The following GARNL3 variants were observed in gnomAD, a reference collection of about 807,000 sequenced individuals.
GARNL3 encodes the protein GTPase-activating Rap/Ran-GAP domain-like protein 3.
In GARNL3, 63 loss-of-function variants were observed where a neutral mutation model predicts 125.0. The observed-to-expected ratio is 0.50, with a 90% confidence interval of 0.41 to 0.62. The LOEUF is 0.62. Among genes scored for constraint, GARNL3 ranks in the 20% least tolerant of loss-of-function variants. GARNL3 has a pLI of 0.00. For synonymous variants in GARNL3, 439 were observed against 457.5 expected, an observed-to-expected ratio of 0.96 and a Z score of 0.52; for missense variants, 994 against 1,244.0, an observed-to-expected ratio of 0.80 and a Z score of 3.02.
At chr9:127,283,396 C>CA (rs1427146826) in intron 1 of GARNL3, among the ~76,000 whole-genome samples, 1 of 152,188 alleles carries the variant, frequency 6.6e-6, no homozygotes, top group African/African-American at 2.4e-5. Flanking sequence ...CTAGGCTGGG[C>CA]ACAGTGGCTC....
chr9:127,339,179 C>T (rs184858084), intron 12 of GARNL3, among the ~76,000 whole-genome samples: 1 of 152,112 alleles, frequency 6.6e-6, no homozygotes, highest in East Asian at 1.9e-4. Flanking sequence ...TGCCTGTAGT[C>T]CCAGCTACTT....
rs571648752 is a variant in GARNL3, at chr9:127,297,159, C to T, written c.219+5917C>T. On this transcript the variant is annotated intron_variant, in intron 2 of 27. Transcript: ENST00000373387. Reference sequence around the variant, plus strand: ...TCTTTTTCTTTTCTTTTTTGAGACACGGTCTCCCTCCCTCTGTCACCTAGG... The same window carrying T: ...TCTTTTTCTTTTCTTTTTTGAGACATGGTCTCCCTCCCTCTGTCACCTAGG... Among the ~76,000 whole-genome samples the T allele has an allele frequency of 6.6e-5, 10 of 152,162 alleles. No homozygotes were observed. The East Asian group carries it at 7.7e-4, about 12-fold the overall frequency.
At chr9:127,263,854 G>A (rs1203128770), upstream of GARNL3, 2 of 1,330,240 alleles carry the variant, frequency 1.5e-6, no homozygotes, top group East Asian at 5.6e-5. Flanking sequence ...TTTCTCTCAT[G>A]CTGTCTTTCT....
At chr9:127,243,762 C>T (rs2063244365) in intron 2 of GARNL3, among the ~76,000 whole-genome samples, 1 of 152,102 alleles carries the variant, frequency 6.6e-6, no homozygotes, top group South Asian at 2.1e-4. Flanking sequence ...AGAATTAATA[C>T]ATCAGTAGAC....
At position 127,344,241 on chromosome 9, in the gene GARNL3, C is replaced by T; in HGVS notation, c.1258C>T (p.Leu420Phe). Residue 420 changes from leucine (L) to phenylalanine (F), a missense_variant, in exon 15 of 28, where the codon CTT becomes TTT. Leu to Phe is a conservative substitution (Grantham distance 22). This residue lies in a region of GARNL3 where 728 missense variants were observed against 865.7 expected (regional missense o/e 0.84). Coordinates refer to ENST00000373387, the MANE Select transcript of GARNL3 (RefSeq NM_032293.5). ...ACTTGTTTTTCTTTTTTAGAACATG[C>T]TTAATAGACGATCTTTTAGTGATGT... ...DLMPDLHKNMLNRRSFSDVLP... is the reference protein window; with the variant it reads ...DLMPDLHKNMFNRRSFSDVLP... 6.2e-7 allele frequency: 1 copy of T among 1,606,252 alleles called. No individual in the cohort carries two copies. The highest frequency in any genetic ancestry group is 1.3e-5 in the African/African-American group (1 of 74,574).
At chr9:127,339,435 C>A (rs975309481) in intron 12 of GARNL3, among the ~76,000 whole-genome samples, 2 of 152,058 alleles carry the variant, frequency 1.3e-5, no homozygotes, top group Non-Finnish European at 2.9e-5. Context: ...AGCAGAAACC[C>A]CTGATAGGCC....
At chr9:127,336,289 A>G in intron 11 of GARNL3, 53 bp downstream of exon 11, 1 of 1,277,536 alleles carries the variant, frequency 7.8e-7, no homozygotes, top group South Asian at 1.2e-5. Context: ...GTTCAGCCTC[A>G]CTGGACTTCC....
intron 6 of GARNL3, among the ~76,000 whole-genome samples, chr9:127,324,207 C>T (rs1269442626): frequency 6.6e-6 from 1 of 152,134 alleles, no homozygotes; most frequent in Non-Finnish European, 1.5e-5. Context: ...GCCAAGGTCG[C>T]ACCACTGTGC....
chr9:127,229,866 A>G (rs575457535), intron 1 of GARNL3, among the ~76,000 whole-genome samples: 1 of 152,374 alleles, frequency 6.6e-6, no homozygotes, highest in South Asian at 2.1e-4. Context: ...TCTTGTTGGC[A>G]TCAGGAGAAG....
intron 1 of GARNL3, among the ~76,000 whole-genome samples, chr9:127,238,919 C>T (rs995180899): frequency 2.6e-5 from 4 of 152,194 alleles, no homozygotes; most frequent in Admixed American, 6.5e-5. Context: ...GACTCCCTCC[C>T]GCTCTATCTG....
chr9:127,339,953 C>T (rs1463985492), intron 13 of GARNL3, among the ~76,000 whole-genome samples: 1 of 152,198 alleles, frequency 6.6e-6, no homozygotes, highest in Non-Finnish European at 1.5e-5. Flanking sequence ...TCCATCCTGT[C>T]ACCTGCCTTG....
At chr9:127,284,836 A>G (rs933560684) in intron 1 of GARNL3, among the ~76,000 whole-genome samples, 3 of 151,900 alleles carry the variant, frequency 2.0e-5, no homozygotes, top group Admixed American at 2.0e-4. Flanking sequence ...ATAAATTTAT[A>G]TATGCATATA....
At chr9:127,366,824 C>G (rs1831312362) in intron 22 of GARNL3, 1 of 152,268 alleles carries the variant, frequency 6.6e-6, no homozygotes, top group Admixed American at 6.5e-5. Flanking sequence ...CCTGCCTCAG[C>G]TGTGGTTCCC....
intron 27 of GARNL3, among the ~76,000 whole-genome samples, chr9:127,391,053 G>A (rs1241483692): frequency 6.6e-6 from 1 of 152,156 alleles, no homozygotes; most frequent in Non-Finnish European, 1.5e-5. Flanking sequence ...GGGAGGCCAA[G>A]GCGGGCAGAT....
intron 1 of GARNL3, among the ~76,000 whole-genome samples, chr9:127,289,197 T>G (rs2064339653): frequency 6.6e-6 from 1 of 152,216 alleles, no homozygotes; most frequent in Non-Finnish European, 1.5e-5. Flanking sequence ...ACTTTAAAAT[T>G]GGCCTCTGTA....
At chr9:127,307,892 C>G (rs544098609) in intron 2 of GARNL3, among the ~76,000 whole-genome samples, 12 of 152,174 alleles carry the variant, frequency 7.9e-5, no homozygotes, top group Admixed American at 1.3e-4. Flanking sequence ...GACCATGACA[C>G]CAACCACTGT....
intron 2 of GARNL3, among the ~76,000 whole-genome samples, chr9:127,308,500 A>G (rs1466590183): frequency 6.6e-6 from 1 of 152,184 alleles, no homozygotes; most frequent in African/African-American, 2.4e-5. Context: ...TTGCCCATGT[A>G]ACAAGCCTGC....
intron 2 of GARNL3, among the ~76,000 whole-genome samples, chr9:127,245,138 CGAGCAGGA>C (rs1467829220): frequency 1.3e-5 from 2 of 152,172 alleles, no homozygotes; most frequent in Non-Finnish European, 2.9e-5. Context: ...GCTGGAGCTC[CGAGCAGGA>C]GTTAAAGTAC....
chr9:127,247,535 T>C (rs2063324302), intron 2 of GARNL3, among the ~76,000 whole-genome samples: 1 of 152,242 alleles, frequency 6.6e-6, no homozygotes, highest in African/African-American at 2.4e-5. Flanking sequence ...TTTGATCTTT[T>C]GAGCAAAGTT....
Sources: allele counts gnomAD v4.1 joint callset (sites outside exome capture counted in the v4.1 genomes callset), GRCh38; gene constraint gnomAD v4.1.1; regional missense constraint gnomAD v4.1.1; transcripts MANE v1.5; gene names NCBI Gene and HGNC (gene_info 2026-07-23, HGNC 2026-07-21).